SSNA1: variants seen among roughly 807,000 people sequenced by gnomAD.
The protein encoded by SSNA1 is microtubule nucleation factor SSNA1.
A neutral mutation model predicts 13.3 loss-of-function variants in SSNA1; 13 were observed. The observed-to-expected ratio is 0.97, with a 90% confidence interval of 0.63 to 1.55. The LOEUF (loss-of-function observed/expected upper bound fraction) is 1.55, where lower values mean the gene tolerates loss of function less well. Among genes scored for constraint, SSNA1 ranks in the 40% most tolerant of loss-of-function variants. The pLI is 0.00. For missense variants in SSNA1, 186 were observed against 152.7 expected, an observed-to-expected ratio of 1.22 and a Z score of -1.15; for synonymous variants, 89 against 65.9, an observed-to-expected ratio of 1.35 and a Z score of -1.70.
rs752522394 is a variant in SSNA1 at position 137,190,127 on chromosome 9, G to A, written c.*213G>A. Reference sequence around the variant, plus strand: ...CGCTTCATGCTCACACAGGCTATGGGGATGGTGGGCTCCAGGTCAGCTCTG... The same window carrying A: ...CGCTTCATGCTCACACAGGCTATGGAGATGGTGGGCTCCAGGTCAGCTCTG... On this transcript the variant is annotated 3_prime_UTR_variant, in exon 3 of 3. Coordinates refer to ENST00000322310, the MANE Select transcript of SSNA1 (RefSeq NM_003731.3). 1 of 544,502 alleles carries A rather than the reference G, an allele frequency of 1.8e-6. No homozygotes were observed. Among genetic ancestry groups the A allele is most frequent in the Non-Finnish European group, 3.3e-6 (1 of 302,058 alleles). The allele number at this position is 544,502 out of a possible 1,614,324, so 33.7% of individuals were successfully genotyped here. A position where few individuals can be genotyped will look rare whatever the true frequency, so the allele number is the denominator to read the frequency against.
intron 2 of SSNA1, 41 bp from the exon 3 acceptor site, chr9:137,189,766 A>G (rs558021848): frequency 3.8e-6 from 6 of 1,584,326 alleles, no homozygotes; most frequent in East Asian, 2.2e-5. Context: ...GACCTTACCA[A>G]CAGGTGAACA....
chr9:137,189,504 A>G (rs967579864), intron 2 of SSNA1, among the ~76,000 whole-genome samples: 2 of 152,226 alleles, frequency 1.3e-5, no homozygotes, highest in African/African-American at 4.8e-5. Flanking sequence ...GGTTCTCGCT[A>G]GCCATGTGGT....
chr9:137,189,264 A>G lies in SSNA1; in HGVS notation c.251A>G (p.Lys84Arg), dbSNP rs1408503348. 1.9e-6 allele frequency: 3 copies of G among 1,612,994 alleles called. No individual in the cohort carries two copies. Among genetic ancestry groups the G allele is most frequent in the Non-Finnish European group, 2.5e-6 (3 of 1,179,922 alleles). Residue 84 changes from lysine (K) to arginine (R), a missense_variant and splice_region_variant, in exon 2 of 3, where the codon AAG becomes AGG. By Grantham distance (26) the Lys-to-Arg change is conservative (BLOSUM62 2). Coordinates refer to ENST00000322310, the MANE Select transcript of SSNA1 (RefSeq NM_003731.3). ...GCGGAGACGGAGGCCGCCTACCTCA[A>G]GGTGGAGCTCGGGAGGCCAGGCCGA... ...TIAETEAAYL[K>R]ILESSQTLLS...
At chr9:137,188,878 C>T (rs1377437887) in intron 1 of SSNA1, 100 bp downstream of exon 1, 2 of 1,381,226 alleles carry the variant, frequency 1.4e-6, no homozygotes, top group East Asian at 2.9e-5. Context: ...GCGGGCATCG[C>T]GCGGCTGAGC....
rs1189930739 is a variant in SSNA1, at chr9:137,189,103, C to T, written c.90C>T (p.Cys30=). The change falls in exon 2 of 3, where the codon TGC becomes TGT. Residue 30 remains cysteine (C), a synonymous_variant. Coordinates refer to ENST00000322310, the MANE Select transcript of SSNA1 (RefSeq NM_003731.3). ...TGTGCCAGAAGCGGGAGGAGCTGTG[C>T]CGGCAGATCCAGGAGGAGGAGGACG... The part of the protein sequence containing the change: ...EELCQKREEL[C]RQIQEEEDEK... The T allele has an allele frequency of 6.3e-7, 1 of 1,595,086 alleles. No homozygotes were observed. The highest frequency in any genetic ancestry group is 8.5e-7 in the Non-Finnish European group (1 of 1,170,888).
In SSNA1 at chr9:137,190,006, C is replaced by T. The variant is rs1834577335; in HGVS notation, c.*92C>T. Reference sequence around the variant, plus strand: ...GCATCTTTGTTCTTCACGGCAGCAGCTACCTTCCCTCACTGTCTCAGGTGC... The same window carrying T: ...GCATCTTTGTTCTTCACGGCAGCAGTTACCTTCCCTCACTGTCTCAGGTGC... On this transcript the variant is annotated 3_prime_UTR_variant, in exon 3 of 3. Coordinates refer to ENST00000322310, the MANE Select transcript of SSNA1 (RefSeq NM_003731.3). The T allele has an allele frequency of 9.5e-6, 11 of 1,156,158 alleles. No homozygotes were observed. The highest frequency in any genetic ancestry group is 1.4e-5 in the Non-Finnish European group (11 of 795,404). 71.6% of individuals were successfully genotyped at this position (1,156,158 alleles called of 1,614,324 possible).
chr9:137,189,379 T>G, intron 2 of SSNA1, 114 bp downstream of exon 2: 1 of 1,278,566 alleles, frequency 7.8e-7, no homozygotes, highest in African/African-American at 1.5e-5. Flanking sequence ...TGTGCCTCGC[T>G]GGCATTTCGG....
intron 2 of SSNA1, among the ~76,000 whole-genome samples, chr9:137,189,581 G>A (rs1175815527): frequency 6.6e-6 from 1 of 152,260 alleles, no homozygotes; most frequent in Non-Finnish European, 1.5e-5. Context: ...TGCTAACCCA[G>A]CCTGGCTTTG....
In SSNA1 at chr9:137,190,194, AGGGAGGCTCT is replaced by A. The variant is rs541763783; in HGVS notation, c.*283_*292del. 2.4e-4 allele frequency: 100 copies of A among 416,354 alleles called. No individual in the cohort carries two copies. The highest frequency in any genetic ancestry group is 1.8e-3 in the African/African-American group (91 of 49,730). The allele number at this position is 416,354 out of a possible 1,614,324, so 25.8% of individuals were successfully genotyped here. On this transcript the variant is annotated 3_prime_UTR_variant, in exon 3 of 3. Coordinates refer to ENST00000322310, the MANE Select transcript of SSNA1 (RefSeq NM_003731.3). Reference sequence around the variant, plus strand: ...GTGGCACCCACACTCCTGCCCTGCCAGGGAGGCTCTGGTTGTCTGAGCACCATGGGGGCCC... The same window carrying A: ...GTGGCACCCACACTCCTGCCCTGCCAGGTTGTCTGAGCACCATGGGGGCCC...
chr9:137,188,788 GC>G lies in SSNA1; in HGVS notation c.52+11del. 6.4e-7 allele frequency: 1 copy of G among 1,566,546 alleles called. No individual in the cohort carries two copies. The highest frequency in any genetic ancestry group is 1.7e-4 in the Middle Eastern group (1 of 5,754). On this transcript the variant is annotated intron_variant, in intron 1 of 2. Transcript: ENST00000322310. ...AACGAGCTGGTCAAGTGTGAGCGGC[GC>G]AGCCGGGACGGGGAGGTCGGGAGGG...
intron 2 of SSNA1, 125 bp downstream of exon 2, chr9:137,189,390 G>A: frequency 1.7e-6 from 2 of 1,170,636 alleles, no homozygotes; most frequent in Non-Finnish European, 1.2e-6. Flanking sequence ...GGCATTTCGG[G>A]CAGGGGCAGC....
rs12002552 is a variant in SSNA1 at position 137,190,027 on chromosome 9, G to C, written c.*113G>C. 5.2e-6 allele frequency: 5 copies of C among 964,056 alleles called. No individual in the cohort carries two copies. In the Admixed American group the frequency reaches 8.7e-5, roughly 17 times the overall value. The allele number at this position is 964,056 out of a possible 1,614,324, so 59.7% of individuals were successfully genotyped here. On this transcript the variant is annotated 3_prime_UTR_variant, in exon 3 of 3. Transcript: ENST00000322310. ...GCAGCTACCTTCCCTCACTGTCTCA[G>C]GTGCCGAGAGGGGCAGGTGCCAGCC...
chr9:137,189,857 G>A lies in SSNA1; in HGVS notation c.303G>A (p.Gly101=), dbSNP rs1834572321. 2 of 1,613,902 alleles carry A rather than the reference G, an allele frequency of 1.2e-6. No individual in the cohort carries two copies. Among genetic ancestry groups the A allele is most frequent in the African/African-American group, 2.7e-5 (2 of 74,944 alleles). ...TLLSVLKREA[G]NLTKATAPDQ... is the part of the protein sequence containing the mutation. Reference sequence around the variant, plus strand: ...TCAGCGTTCTCAAGAGGGAAGCTGGGAACCTGACCAAGGCTACAGCCCCAG... The same window carrying A: ...TCAGCGTTCTCAAGAGGGAAGCTGGAAACCTGACCAAGGCTACAGCCCCAG... Residue 101 remains glycine (G), a synonymous_variant, in exon 3 of 3, where the codon GGG becomes GGA. Coordinates refer to ENST00000322310, the MANE Select transcript of SSNA1 (RefSeq NM_003731.3).
intron 1 of SSNA1, 74 bp downstream of exon 1, chr9:137,188,852 CT>C: frequency 1.4e-6 from 2 of 1,449,496 alleles, no homozygotes; most frequent in South Asian, 2.6e-5. Flanking sequence ...CGGGGTGCCC[CT>C]GGACCCGCCT....
chr9:137,190,071 A>T lies in SSNA1; in HGVS notation c.*157A>T. 1.5e-6 allele frequency: 1 copy of T among 677,366 alleles called. No homozygotes were observed. Among genetic ancestry groups the T allele is most frequent in the Non-Finnish European group, 2.5e-6 (1 of 395,744 alleles). The allele number at this position is 677,366 out of a possible 1,614,324, so 42.0% of individuals were successfully genotyped here. ...GCCAGCCTCCACTGGCATCAGTGAC[A>T]AGCCCAGGGCACAGCCCACCCGGGG... On this transcript the variant is annotated 3_prime_UTR_variant, in exon 3 of 3. Coordinates refer to ENST00000322310, the MANE Select transcript of SSNA1 (RefSeq NM_003731.3).
intron 1 of SSNA1, 91 bp from the exon 2 acceptor site, chr9:137,188,975 C>T (rs1197949038): frequency 1.7e-5 from 25 of 1,469,698 alleles, no homozygotes; most frequent in Non-Finnish European, 2.3e-5. Context: ...GGGGTGGTGC[C>T]TGACTCTGGC....
At chr9:137,189,327 C>T in intron 2 of SSNA1, 62 bp downstream of exon 2, 10 of 1,586,732 alleles carry the variant, frequency 6.3e-6, no homozygotes, top group Non-Finnish European at 8.6e-6. Flanking sequence ...GTTGCCACGG[C>T]AAGGCGTCAG....
At position 137,189,887 on chromosome 9, in the gene SSNA1, G is replaced by A. The variant is rs566918824; in HGVS notation, c.333G>A (p.Gln111=). 3.6e-4 allele frequency: 573 copies of A among 1,613,818 alleles called. 11 individuals carry two copies. In the South Asian group the frequency reaches 6.0e-3, roughly 17 times the overall value. Residue 111 remains glutamine, a synonymous_variant, in exon 3 of 3, where the codon CAG becomes CAA. Coordinates refer to ENST00000322310, the MANE Select transcript of SSNA1 (RefSeq NM_003731.3). ...TGACCAAGGCTACAGCCCCAGACCA[G>A]AAAAGTAGCGGCGGCAGGGACAGCT... ...GNLTKATAPD[Q]KSSGGRDS
In SSNA1 at chr9:137,190,038, G is replaced by A. The variant is rs1834578709; in HGVS notation, c.*124G>A. On this transcript the variant is annotated 3_prime_UTR_variant, in exon 3 of 3. Transcript: ENST00000322310. The stretch of plus-strand genomic sequence containing the variant: ...CCCTCACTGTCTCAGGTGCCGAGAG[G>A]GGCAGGTGCCAGCCTCCACTGGCAT... 1.2e-6 allele frequency: 1 copy of A among 867,986 alleles called. No homozygotes were observed. The highest frequency in any genetic ancestry group is 1.8e-6 in the Non-Finnish European group (1 of 558,868). The allele number at this position is 867,986 out of a possible 1,614,324, so 53.8% of individuals were successfully genotyped here. A position where few individuals can be genotyped will look rare whatever the true frequency, so the allele number is the denominator to read the frequency against.
Sources: allele counts gnomAD v4.1 joint callset (sites outside exome capture counted in the v4.1 genomes callset), GRCh38; gene constraint gnomAD v4.1.1; transcripts MANE v1.5; gene names NCBI Gene and HGNC (gene_info 2026-07-23, HGNC 2026-07-21).